Variants in PDHX observed in about 807,000 individuals in gnomAD.
The protein encoded by PDHX is pyruvate dehydrogenase complex component X, also known as pyruvate dehydrogenase protein X component, mitochondrial.
PDHX carries 33 observed loss-of-function variants against 55.3 expected under a neutral mutation model. The observed-to-expected ratio is 0.60, with a 90% CI of 0.45 to 0.80. The LOEUF (loss-of-function observed/expected upper bound fraction) is 0.80, where lower values mean the gene tolerates loss of function less well. PDHX is among the 30% of genes least tolerant of loss of function. The probability of loss-of-function intolerance (pLI) is 0.00; values close to 1 mark genes in which losing one functional copy is unlikely to be tolerated. For missense variants in PDHX, 622 were observed against 619.9 expected, an observed-to-expected ratio of 1.00 and a Z score of -0.04; for synonymous variants, 226 against 219.4, an observed-to-expected ratio of 1.03 and a Z score of -0.27.
chr11:34,916,082 G>A (rs188206670), upstream of PDHX: 204 of 1,081,514 alleles, frequency 1.9e-4, 1 homozygote, highest in East Asian at 4.7e-3. Flanking sequence ...CAAGGTCGCG[G>A]TGCGCCGGGG....
chr11:34,973,894 T>TTCC (rs1554989632), intron 7 of PDHX, among the ~76,000 whole-genome samples: 1 of 151,864 alleles, frequency 6.6e-6, no homozygotes, highest in Non-Finnish European at 1.5e-5. Flanking sequence ...ATTATACTTC[T>TTCC]ACCCAAAGAA....
chr11:34,992,252 A>G (rs367627513), intron 9 of PDHX, 63 bp from the exon 10 acceptor site: 8 of 913,672 alleles, frequency 8.8e-6, no homozygotes, highest in African/African-American at 3.2e-5. Context: ...CAAATATTTC[A>G]AGTGACAAGA....
At chr11:34,924,938 C>T (rs1430904001) in intron 1 of PDHX, among the ~76,000 whole-genome samples, 2 of 152,102 alleles carry the variant, frequency 1.3e-5, no homozygotes, top group African/African-American at 2.4e-5. Flanking sequence ...CCTCTGTTTT[C>T]CCTCCCCAGT....
chr11:34,958,349 G>A (rs1854950129), intron 4 of PDHX, among the ~76,000 whole-genome samples: 1 of 152,080 alleles, frequency 6.6e-6, no homozygotes, highest in Non-Finnish European at 1.5e-5. Flanking sequence ...TGTCCAGGCT[G>A]GAGTGCAATG....
At chr11:34,959,992 G>A (rs759188345) in intron 4 of PDHX, among the ~76,000 whole-genome samples, 6 of 152,136 alleles carry the variant, frequency 3.9e-5, no homozygotes, top group Non-Finnish European at 8.8e-5. Flanking sequence ...GCACAATAGT[G>A]TGATTGTACT....
chr11:34,957,884 G>A (rs1854940571), intron 4 of PDHX, among the ~76,000 whole-genome samples: 1 of 152,084 alleles, frequency 6.6e-6, no homozygotes. Flanking sequence ...GTCTAAAATG[G>A]TATTCAATAT....
In PDHX at chr11:34,916,676, G is replaced by C; in HGVS notation, c.21G>C (p.Leu7=). 1 of 1,611,168 alleles carries C rather than the reference G, an allele frequency of 6.2e-7. No individual in the cohort carries two copies. The highest frequency in any genetic ancestry group is 8.5e-7 in the Non-Finnish European group (1 of 1,179,982). ...TCAAGATGGCGGCCTCCTGGAGGCT[G>C]GGCTGTGATCCGCGGCTGCTGCGTT... MAASWR[L]GCDPRLLRYL... Residue 7 remains leucine (L), a synonymous_variant, in exon 1 of 11, where the codon CTG becomes CTC. Coordinates refer to ENST00000227868, the MANE Select transcript of PDHX (RefSeq NM_003477.3).
intron 3 of PDHX, among the ~76,000 whole-genome samples, chr11:34,956,745 T>G (rs1854913060): frequency 6.6e-6 from 1 of 152,160 alleles, no homozygotes; most frequent in Non-Finnish European, 1.5e-5. Context: ...TCTGATATAC[T>G]TATAAAAAAA....
intron 6 of PDHX, among the ~76,000 whole-genome samples, chr11:34,969,761 G>A (rs1260667423): frequency 1.3e-5 from 2 of 151,894 alleles, no homozygotes; most frequent in Non-Finnish European, 2.9e-5. Flanking sequence ...CACATATATT[G>A]CTCCTTGTGT....
intron 8 of PDHX, among the ~76,000 whole-genome samples, chr11:34,980,352 C>CTTGTTTTTTTTTTTTTTTTTTT (rs1855481644): frequency 1.3e-5 from 1 of 74,822 alleles, no homozygotes. Context: ...AAGATAGTTT[C>CTTGTTTTTTTTTTTTTTTTTTT]TTTTTTTTTT....
chr11:34,979,215 G>T (rs961303174), intron 8 of PDHX, among the ~76,000 whole-genome samples: 1 of 152,130 alleles, frequency 6.6e-6, no homozygotes, highest in Non-Finnish European at 1.5e-5. Context: ...ACTGGGAGGG[G>T]TATAGCTTTG....
At chr11:34,952,132 G>A (rs964407971) in intron 3 of PDHX, among the ~76,000 whole-genome samples, 1 of 150,902 alleles carries the variant, frequency 6.6e-6, no homozygotes, top group Admixed American at 6.6e-5. Flanking sequence ...CTCTCCCAAG[G>A]CTAAACCAGG....
chr11:34,916,435 G>A (rs988410408), upstream of PDHX: 22 of 1,480,366 alleles, frequency 1.5e-5, no homozygotes, highest in Non-Finnish European at 1.9e-5. Context: ...GCCGGGGTCT[G>A]GTAAGGCCCC....
At chr11:34,954,509 A>G (rs1357073623) in intron 3 of PDHX, among the ~76,000 whole-genome samples, 1 of 152,200 alleles carries the variant, frequency 6.6e-6, no homozygotes, top group African/African-American at 2.4e-5. Flanking sequence ...TCTGAGAATT[A>G]TGAAGAAATA....
Position 34,947,695 on chromosome 11 carries a change from C to T in PDHX, c.342+89C>T, listed in dbSNP as rs929279934. 39 of 880,416 alleles carry T rather than the reference C, an allele frequency of 4.4e-5. No homozygotes were observed. The African/African-American group carries it at 6.5e-4, about 15-fold the overall frequency. The allele number at this position is 880,416 out of a possible 1,614,324, so 54.5% of individuals were successfully genotyped here. On this transcript the variant is annotated intron_variant, in intron 3 of 10. Transcript: ENST00000227868. ...GTAAAATTACCTTTTATTTTTGCCT[C>T]CTTATTTTTAATGTGTATTGTCTAC...
intron 1 of PDHX, among the ~76,000 whole-genome samples, chr11:34,917,125 C>T (rs966681708): frequency 6.6e-6 from 1 of 152,156 alleles, no homozygotes; most frequent in Non-Finnish European, 1.5e-5. Flanking sequence ...GCCCCCTTTC[C>T]AATCAAGGCT....
Position 34,947,611 on chromosome 11 carries a change from GTTT to G in PDHX, c.342+8_342+10del. The G allele has an allele frequency of 6.3e-7, 1 of 1,575,920 alleles. No individual in the cohort carries two copies. Among genetic ancestry groups the G allele is most frequent in the Non-Finnish European group, 8.7e-7 (1 of 1,144,930 alleles). The stretch of plus-strand genomic sequence containing the variant: ...GGAATCTTGGCCAAAATCGTGGTAA[GTTT>G]TTATTTTAATTTTCTTCAACAGGAT... On this transcript the variant is annotated splice_donor_region_variant and intron_variant, in intron 3 of 10. Transcript: ENST00000227868.
chr11:34,934,662 C>CAA (rs1442866394), intron 2 of PDHX, among the ~76,000 whole-genome samples: 2 of 146,670 alleles, frequency 1.4e-5, no homozygotes, highest in African/African-American at 2.5e-5. Flanking sequence ...ACTACAGCCT[C>CAA]AGCCTCCTGG....
At chr11:34,929,935 A>G (rs1854114955) in intron 1 of PDHX, among the ~76,000 whole-genome samples, 1 of 152,246 alleles carries the variant, frequency 6.6e-6, no homozygotes, top group Non-Finnish European at 1.5e-5. Context: ...TGTGACTTAG[A>G]TCTGTGGCCT....
Sources: allele counts gnomAD v4.1 joint callset (sites outside exome capture counted in the v4.1 genomes callset), GRCh38; gene constraint gnomAD v4.1.1; transcripts MANE v1.5; gene names NCBI Gene and HGNC (gene_info 2026-07-23, HGNC 2026-07-21).